The following TSHZ2 variants were observed in gnomAD, a reference collection of about 807,000 sequenced individuals.
TSHZ2 encodes teashirt homolog 2.
A neutral mutation model predicts 74.4 loss-of-function variants in TSHZ2; 21 were observed. The observed-to-expected ratio is 0.28, with a 90% CI of 0.20 to 0.41. The LOEUF (loss-of-function observed/expected upper bound fraction) is 0.41. Among genes scored for constraint, TSHZ2 ranks in the 10% least tolerant of loss-of-function variants. TSHZ2 has a pLI of 1.00. For synonymous variants in TSHZ2, 540 were observed against 515.3 expected (o/e 1.05, Z -0.65); for missense variants, 1,244 against 1,293.5 (o/e 0.96, Z 0.59).
rs1299841827 is a variant in TSHZ2 at position 53,488,183 on chromosome 20, A to C, written c.*1048A>C. The C allele has an allele frequency of 6.6e-6, 1 of 152,194 alleles. No individual in the cohort carries two copies. Among genetic ancestry groups the C allele is most frequent in the Non-Finnish European group, 1.5e-5 (1 of 68,030 alleles). The allele number at this position is 152,194 out of a possible 1,614,324, so 9.4% of individuals were successfully genotyped here. ...ATTAAAACTTTGAGGGCCCAATTTT[A>C]ATTTGTGGAATATTCCCGTTAATAA... On this transcript the variant is annotated 3_prime_UTR_variant, in exon 3 of 3. Coordinates refer to ENST00000371497, the MANE Select transcript of TSHZ2 (RefSeq NM_173485.6).
At chr20:52,979,031 C>G (rs553429343) in intron 1 of TSHZ2, among the ~76,000 whole-genome samples, 1 of 152,062 alleles carries the variant, frequency 6.6e-6, no homozygotes, top group East Asian at 1.9e-4. Context: ...CTTTGGCAAG[C>G]AGCTCTTCGA....
At chr20:53,269,749 T>G (rs937495993) in intron 2 of TSHZ2, among the ~76,000 whole-genome samples, 5 of 150,750 alleles carry the variant, frequency 3.3e-5, no homozygotes, top group Non-Finnish European at 7.4e-5. Context: ...TATACATATG[T>G]AACTAACCTG....
At chr20:53,110,954 G>A (rs1986517751) in intron 1 of TSHZ2, among the ~76,000 whole-genome samples, 1 of 152,164 alleles carries the variant, frequency 6.6e-6, no homozygotes, top group Non-Finnish European at 1.5e-5. Flanking sequence ...GGCAAGAGAT[G>A]ACATGTAGAA....
chr20:53,236,404 G>C (rs746393267), intron 1 of TSHZ2, among the ~76,000 whole-genome samples: 8 of 152,160 alleles, frequency 5.3e-5, no homozygotes, highest in Non-Finnish European at 1.2e-4. Context: ...TTTCCCATAA[G>C]TGCTATAATT....
At chr20:53,038,702 A>C (rs1374853948) in intron 1 of TSHZ2, among the ~76,000 whole-genome samples, 3 of 152,092 alleles carry the variant, frequency 2.0e-5, no homozygotes, top group Admixed American at 2.0e-4. Flanking sequence ...ACACATATTT[A>C]ATGAGGGTCT....
chr20:53,321,931 C>T (rs1355584156), intron 2 of TSHZ2, among the ~76,000 whole-genome samples: 1 of 152,044 alleles, frequency 6.6e-6, no homozygotes, highest in Non-Finnish European at 1.5e-5. Flanking sequence ...GGATGTGCCA[C>T]AAGAGGGCCG....
chr20:53,414,133 T>C (rs1265143241), intron 2 of TSHZ2, among the ~76,000 whole-genome samples: 2 of 151,678 alleles, frequency 1.3e-5, no homozygotes, highest in African/African-American at 2.4e-5. Context: ...AAAATAAAAA[T>C]AGAAATAAAA....
intron 2 of TSHZ2, among the ~76,000 whole-genome samples, chr20:53,391,789 A>T (rs1028023432): frequency 2.0e-5 from 3 of 152,308 alleles, no homozygotes; most frequent in African/African-American, 7.2e-5. Context: ...CTAAAAATAC[A>T]AAAATTAGAC....
chr20:53,208,508 C>G (rs764293971), intron 1 of TSHZ2: 1 of 152,200 alleles, frequency 6.6e-6, no homozygotes, highest in Non-Finnish European at 1.5e-5. Context: ...TTGTAACTTG[C>G]ATCAAACCCT....
intron 1 of TSHZ2, among the ~76,000 whole-genome samples, chr20:52,987,437 T>C (rs1188896499): frequency 6.6e-6 from 1 of 152,042 alleles, no homozygotes; most frequent in African/African-American, 2.4e-5. Flanking sequence ...AAGTTCCCTT[T>C]TTTTATACTC....
intron 2 of TSHZ2, among the ~76,000 whole-genome samples, chr20:53,391,581 G>A (rs1347513012): frequency 6.6e-6 from 1 of 151,916 alleles, no homozygotes; most frequent in African/African-American, 2.4e-5. Context: ...ACAGGCATGA[G>A]CCACCATGTC....
intron 1 of TSHZ2, among the ~76,000 whole-genome samples, chr20:53,125,459 A>G (rs1472747829): frequency 6.6e-6 from 1 of 152,200 alleles, no homozygotes; most frequent in South Asian, 2.1e-4. Flanking sequence ...TGAAGCTTTT[A>G]GAACATTGCC....
At chr20:53,015,181 C>T (rs1288005327) in intron 1 of TSHZ2, among the ~76,000 whole-genome samples, 1 of 152,182 alleles carries the variant, frequency 6.6e-6, no homozygotes, top group Non-Finnish European at 1.5e-5. Context: ...CTGAGAAGCC[C>T]TCTGTGATCC....
At chr20:53,339,473 G>A (rs1773738698) in intron 2 of TSHZ2, among the ~76,000 whole-genome samples, 4 of 152,182 alleles carry the variant, frequency 2.6e-5, no homozygotes, top group African/African-American at 9.7e-5. Context: ...TCAAACTTGG[G>A]AGACAGCTCC....
At chr20:53,018,883 C>A (rs1400054600) in intron 1 of TSHZ2, among the ~76,000 whole-genome samples, 1 of 152,170 alleles carries the variant, frequency 6.6e-6, no homozygotes, top group Non-Finnish European at 1.5e-5. Flanking sequence ...TTTTCTGGAT[C>A]TTCGTCCAAT....
chr20:53,377,452 A>G (rs1981697264), intron 2 of TSHZ2, among the ~76,000 whole-genome samples: 1 of 152,216 alleles, frequency 6.6e-6, no homozygotes, highest in East Asian at 1.9e-4. Context: ...TCTATCGACT[A>G]TCAGATGTCA....
chr20:53,275,677 CA>C (rs1990930978), intron 2 of TSHZ2, among the ~76,000 whole-genome samples: 2 of 152,158 alleles, frequency 1.3e-5, no homozygotes, highest in African/African-American at 4.8e-5. Context: ...CCTATAATTC[CA>C]ACACTTTGGG....
intron 2 of TSHZ2, among the ~76,000 whole-genome samples, chr20:53,336,010 A>C (rs748797590): frequency 6.6e-6 from 1 of 152,102 alleles, no homozygotes; most frequent in Non-Finnish European, 1.5e-5. Flanking sequence ...TTTTTAAAAA[A>C]CTCATTTCAA....
chr20:53,405,861 A>G (rs1304565847), intron 2 of TSHZ2, among the ~76,000 whole-genome samples: 2 of 152,008 alleles, frequency 1.3e-5, no homozygotes, highest in Admixed American at 6.6e-5. Context: ...GCCAGGCGTC[A>G]TGGTGTGTGC....
Sources: gnomAD v4.1 joint callset for allele counts (sites outside exome capture counted in the v4.1 genomes callset) on GRCh38, gnomAD v4.1.1 for gene constraint, MANE v1.5 for transcripts, NCBI Gene and HGNC (gene_info 2026-07-23, HGNC 2026-07-21) for gene names.